KIF4A: variants seen among roughly 807,000 people sequenced by gnomAD.
The protein encoded by KIF4A is chromosome-associated kinesin KIF4A.
A neutral mutation model predicts 105.9 loss-of-function variants in KIF4A; 7 were observed. That is an observed-to-expected ratio of 0.07 (90% confidence interval 0.04 to 0.12). The LOEUF (loss-of-function observed/expected upper bound fraction) is 0.12, where lower values mean the gene tolerates loss of function less well. Ranked by LOEUF, KIF4A falls within the 10% of genes least tolerant of loss-of-function variation. The pLI, the probability that KIF4A is intolerant of heterozygous loss-of-function variation, is 1.00. For missense variants in KIF4A, 558 were observed against 929.2 expected, an observed-to-expected ratio of 0.60 and a Z score of 5.19; for synonymous variants, 281 against 331.3, an observed-to-expected ratio of 0.85 and a Z score of 1.65.
At chrX:70,295,904 G>A (rs1301206487) in intron 3 of KIF4A, among the ~76,000 whole-genome samples, 1 of 97,346 alleles carries the variant, frequency 1.0e-5, no homozygotes, top group African/African-American at 3.7e-5. Context: ...GCGGCAGAGC[G>A]AGACTCCATC....
intron 15 of KIF4A, among the ~76,000 whole-genome samples, chrX:70,355,090 C>T (rs1433843179): frequency 9.0e-6 from 1 of 111,642 alleles, no homozygotes; most frequent in Non-Finnish European, 1.9e-5. Context: ...CTCCTGCCTC[C>T]CCAGGACTTC....
chrX:70,376,640 G>C lies in KIF4A; in HGVS notation c.2034+430G>C, dbSNP rs374473210. ...GAGATAAGTACAAGCATTCCAGATA[G>C]ATAGATCAAAGAAATAGAGATGACA... is the stretch of plus-strand genomic sequence containing the variant. On this transcript the variant is annotated intron_variant, in intron 18 of 30. Coordinates refer to ENST00000374403, the MANE Select transcript of KIF4A (RefSeq NM_012310.5). 8.1e-4 allele frequency among the ~76,000 whole-genome samples: 91 copies of C among 112,048 alleles called. 3 individuals carry two copies. The South Asian group carries it at 0.033, about 40-fold the overall frequency.
intron 10 of KIF4A, among the ~76,000 whole-genome samples, chrX:70,338,118 AT>A (rs1283580944): frequency 3.6e-5 from 4 of 111,638 alleles, no homozygotes; most frequent in Non-Finnish European, 5.7e-5. Context: ...AAGCTTATTA[AT>A]TTTTTTATTG....
intron 14 of KIF4A, 52 bp from the exon 15 acceptor site, chrX:70,353,570 G>A: frequency 3.7e-6 from 4 of 1,085,076 alleles, no homozygotes; most frequent in Non-Finnish European, 3.8e-6. Context: ...AGTGCCTAAG[G>A]AACTCCATTT....
At position 70,323,584 on chromosome X, in the gene KIF4A, C is replaced by G. The variant is rs149269751; in HGVS notation, c.779-5821C>G. ...TGCTCACATAGTGGGTTTTCTCTAA[C>G]ATTTATTGATAAAAATTTTCAAAGT... On this transcript the variant is annotated intron_variant, in intron 7 of 30. Transcript: ENST00000374403. Among the ~76,000 whole-genome samples the G allele has an allele frequency of 4.6e-3, 514 of 111,378 alleles. 3 individuals are homozygous for G. Among genetic ancestry groups the G allele is most frequent in the Non-Finnish European group, 7.4e-3 (393 of 53,075 alleles).
Position 70,341,803 on chromosome X carries a change from G to A in KIF4A, c.1138G>A (p.Glu380Lys). Residue 380 changes from glutamate (E) to lysine (K), a missense_variant, in exon 11 of 31, where the codon GAA becomes AAA. Physicochemically the swap from Glu to Lys is moderately conservative, Grantham distance 56. Transcript: ENST00000374403. Reference sequence around the variant, plus strand: ...ATGTTATTTACTTTGTTTTAGTGTGGAACCATCAGAGAATCTACAATCCCT... The same window carrying A: ...ATGTTATTTACTTTGTTTTAGTGTGAAACCATCAGAGAATCTACAATCCCT... ...GGTLPGSITV[E>K]PSENLQSLME... The A allele has an allele frequency of 8.3e-7, 1 of 1,207,372 alleles. No homozygotes were observed. The highest frequency in any genetic ancestry group is 1.1e-6 in the Non-Finnish European group (1 of 892,525).
At chrX:70,360,176 A>G (rs1334996960) in intron 15 of KIF4A, among the ~76,000 whole-genome samples, 2 of 111,984 alleles carry the variant, frequency 1.8e-5, no homozygotes, top group Non-Finnish European at 3.8e-5. Flanking sequence ...ACACACTCCT[A>G]GCTGATTTCT....
intron 20 of KIF4A, 54 bp from the exon 21 acceptor site, chrX:70,395,617 C>A (rs775088884): frequency 4.2e-6 from 5 of 1,192,725 alleles, no homozygotes; most frequent in Non-Finnish European, 5.7e-6. Flanking sequence ...GAATCTAGCC[C>A]ATGAGCTAGT....
intron 15 of KIF4A, among the ~76,000 whole-genome samples, chrX:70,371,900 A>G (rs200737584): frequency 7.3e-4 from 65 of 89,395 alleles, no homozygotes; most frequent in African/African-American, 2.2e-3. Flanking sequence ...GGCGGTTGCC[A>G]GGCGGAGGGT....
At position 70,373,051 on chromosome X, in the gene KIF4A, C is replaced by T. The variant is rs192365864; in HGVS notation, c.1675-1100C>T. Among the ~76,000 whole-genome samples the T allele has an allele frequency of 2.7e-3, 300 of 111,653 alleles. 2 individuals carry two copies. The highest frequency in any genetic ancestry group is 3.7e-3 in the Non-Finnish European group (197 of 53,103). On this transcript the variant is annotated intron_variant, in intron 15 of 30. Coordinates refer to ENST00000374403, the MANE Select transcript of KIF4A (RefSeq NM_012310.5). Reference sequence around the variant, plus strand: ...TTTAAGGAGGCCAAGGTGGGAGGATCGCTTGAGCCCAGGAGTTTAAGACCA... The same window carrying T: ...TTTAAGGAGGCCAAGGTGGGAGGATTGCTTGAGCCCAGGAGTTTAAGACCA...
At chrX:70,395,637 T>C in intron 20 of KIF4A, 34 bp from the exon 21 acceptor site, 1 of 1,208,829 alleles carries the variant, frequency 8.3e-7, no homozygotes, top group East Asian at 3.0e-5. Context: ...TGATTCCTCA[T>C]CCCTAACACA....
intron 22 of KIF4A, among the ~76,000 whole-genome samples, chrX:70,399,608 C>T (rs1352111970): frequency 9.2e-6 from 1 of 108,800 alleles, no homozygotes; most frequent in African/African-American, 3.3e-5. Flanking sequence ...CGTAAATGAG[C>T]CATTCAGATT....
intron 11 of KIF4A, among the ~76,000 whole-genome samples, chrX:70,342,563 G>A (rs1260932563): frequency 3.6e-5 from 4 of 111,914 alleles, no homozygotes; most frequent in Non-Finnish European, 3.8e-5. Flanking sequence ...TTGATAGCAC[G>A]ACTGTTGCCA....
intron 18 of KIF4A, among the ~76,000 whole-genome samples, chrX:70,376,564 G>A: frequency 8.9e-6 from 1 of 111,746 alleles, no homozygotes; most frequent in Non-Finnish European, 1.9e-5. Flanking sequence ...TGCAGTTGGA[G>A]TGAAAAGATG....
intron 15 of KIF4A, among the ~76,000 whole-genome samples, chrX:70,373,532 A>ATATG (rs2086151970): frequency 2.9e-5 from 1 of 33,956 alleles, no homozygotes; most frequent in African/African-American, 2.7e-4. Flanking sequence ...ATGTATATAT[A>ATATG]TATATATATA....
chrX:70,374,231 A>G lies in KIF4A; in HGVS notation c.1755A>G (p.Ala585=). 8.4e-7 allele frequency: 1 copy of G among 1,195,545 alleles called. No individual in the cohort carries two copies. Among genetic ancestry groups the G allele is most frequent in the Non-Finnish European group, 1.1e-6 (1 of 881,544 alleles). Residue 585 remains alanine (A), a synonymous_variant, in exon 16 of 31, where the codon GCA becomes GCG. Transcript: ENST00000374403. ...KEELVLELQT[A]KKDANQAKLS... is the part of the protein sequence containing the mutation. Reference sequence around the variant, plus strand: ...AATTGGTTCTTGAACTTCAGACAGCAAAGAAGGATGCCAACCAAGCCAAGT... The same window carrying G: ...AATTGGTTCTTGAACTTCAGACAGCGAAGAAGGATGCCAACCAAGCCAAGT...
chrX:70,386,921 C>T (rs1285768547), intron 19 of KIF4A, among the ~76,000 whole-genome samples: 1 of 111,474 alleles, frequency 9.0e-6, no homozygotes, highest in Non-Finnish European at 1.9e-5. Flanking sequence ...CCTAACTGGA[C>T]GTGAGCCTTT....
intron 7 of KIF4A, among the ~76,000 whole-genome samples, chrX:70,307,461 G>C (rs1297943698): frequency 2.7e-5 from 3 of 111,182 alleles, no homozygotes; most frequent in Non-Finnish European, 5.7e-5. Context: ...TTTCTTGCCT[G>C]CTTGTCCTGA....
chrX:70,400,269 G>A (rs1475210556), intron 22 of KIF4A, among the ~76,000 whole-genome samples: 2 of 107,686 alleles, frequency 1.9e-5, no homozygotes, highest in East Asian at 3.0e-4. Flanking sequence ...GAGAATATGC[G>A]GTGTTTGGTT....
Sources: allele counts gnomAD v4.1 joint callset (sites outside exome capture counted in the v4.1 genomes callset), GRCh38; gene constraint gnomAD v4.1.1; transcripts MANE v1.5; gene names NCBI Gene and HGNC (gene_info 2026-07-23, HGNC 2026-07-21).